GRK3: variants seen among roughly 807,000 people sequenced by gnomAD.
GRK3 encodes the protein adrenergic, beta, receptor kinase 2.
A neutral mutation model predicts 95.7 loss-of-function variants in GRK3; 54 were observed. The observed-to-expected ratio is 0.56, with a 90% confidence interval of 0.45 to 0.71. The LOEUF (loss-of-function observed/expected upper bound fraction) is 0.71, where lower values mean the gene tolerates loss of function less well. Among genes scored for constraint, GRK3 ranks in the 30% least tolerant of loss-of-function variants. The probability of loss-of-function intolerance (pLI) is 0.00; values close to 1 mark genes in which losing one functional copy is unlikely to be tolerated. For missense variants in GRK3, 649 were observed against 851.2 expected (o/e 0.76, Z 2.96); for synonymous variants, 281 against 290.8 (o/e 0.97, Z 0.34).
intron 2 of GRK3, among the ~76,000 whole-genome samples, chr22:25,624,140 C>A (rs1410021178): frequency 1.3e-5 from 2 of 152,246 alleles, no homozygotes; most frequent in East Asian, 3.9e-4. Flanking sequence ...CTTTTAATTT[C>A]AGCGTTCATT....
intron 7 of GRK3, among the ~76,000 whole-genome samples, chr22:25,672,767 G>T (rs185838218): frequency 6.6e-6 from 1 of 151,784 alleles, no homozygotes; most frequent in Non-Finnish European, 1.5e-5. Context: ...TCAGACCAAG[G>T]CTTCATCTTC....
chr22:25,602,983 C>T (rs892245918), intron 1 of GRK3, among the ~76,000 whole-genome samples: 1 of 152,216 alleles, frequency 6.6e-6, no homozygotes, highest in African/African-American at 2.4e-5. Context: ...GTAGCACAAT[C>T]TTGGGTCACT....
intron 2 of GRK3, among the ~76,000 whole-genome samples, chr22:25,611,508 C>G (rs942342319): frequency 3.9e-5 from 6 of 152,096 alleles, no homozygotes; most frequent in Non-Finnish European, 5.9e-5. Context: ...TTTTTTGTAT[C>G]CATTTGAATG....
chr22:25,588,688 G>A (rs1392791245), intron 1 of GRK3, among the ~76,000 whole-genome samples: 1 of 152,042 alleles, frequency 6.6e-6, no homozygotes, highest in Non-Finnish European at 1.5e-5. Flanking sequence ...TGATATGATT[G>A]TGTGGTCATT....
chr22:25,564,885 T>TGGGGCGCGCGGCGCGCGCGCGGGGCG lies in GRK3; in HGVS notation c.-144_-119dup, dbSNP rs990030088. Reference sequence around the variant, plus strand: ...GCCTGCGGCGCGCGCAGAGCGCTAGTGGGGCGCGCGGCGCGCGCGCGGGGC... The same window carrying TGGGGCGCGCGGCGCGCGCGCGGGGCG: ...GCCTGCGGCGCGCGCAGAGCGCTAGTGGGGCGCGCGGCGCGCGCGCGGGGCGGGGGCGCGCGGCGCGCGCGCGGGGC... On this transcript the variant is annotated 5_prime_UTR_variant, in exon 1 of 21. Transcript: ENST00000324198. 7.8e-6 allele frequency: 1 copy of TGGGGCGCGCGGCGCGCGCGCGGGGCG among 128,216 alleles called. No individual in the cohort carries two copies. The highest frequency in any genetic ancestry group is 2.8e-5 in the African/African-American group (1 of 35,742). 7.9% of individuals were successfully genotyped at this position (128,216 alleles called of 1,614,324 possible). A position where few individuals can be genotyped will look rare whatever the true frequency, so the allele number is the denominator to read the frequency against.
intron 8 of GRK3, among the ~76,000 whole-genome samples, chr22:25,674,866 G>A (rs190169922): frequency 1.3e-5 from 2 of 152,254 alleles, no homozygotes; most frequent in African/African-American, 4.8e-5. Context: ...GGAGAATGGC[G>A]TGAACCCGGG....
At chr22:25,704,013 A>G in intron 14 of GRK3, 96 bp from the exon 15 acceptor site, 4 of 858,296 alleles carry the variant, frequency 4.7e-6, no homozygotes, top group Non-Finnish European at 7.4e-6. Flanking sequence ...AATTTTTAAT[A>G]CTATGCTTAT....
In GRK3 at chr22:25,649,368, G is replaced by A. The variant is rs553667877; in HGVS notation, c.264+4703G>A. The A allele has an allele frequency of 9.3e-5, 54 of 583,452 alleles. No homozygotes were observed. The Middle Eastern group carries it at 1.4e-3, about 15-fold the overall frequency. 36.1% of individuals were successfully genotyped at this position (583,452 alleles called of 1,614,324 possible). Reference sequence around the variant, plus strand: ...AATGGTAAACTGGAGTCCCAGATATGGTTCCACAAAACCACTTTTTTTTAC... The same window carrying A: ...AATGGTAAACTGGAGTCCCAGATATAGTTCCACAAAACCACTTTTTTTTAC... On this transcript the variant is annotated intron_variant, in intron 3 of 20. Coordinates refer to ENST00000324198, the MANE Select transcript of GRK3 (RefSeq NM_005160.4).
chr22:25,624,434 G>T (rs2084611718), intron 2 of GRK3, among the ~76,000 whole-genome samples: 2 of 152,040 alleles, frequency 1.3e-5, no homozygotes, highest in Non-Finnish European at 2.9e-5. Flanking sequence ...TGTGGTGGCG[G>T]GCACCTGTAG....
chr22:25,649,292 AATTTCT>A, intron 3 of GRK3: 14 of 840,698 alleles, frequency 1.7e-5, no homozygotes, highest in Non-Finnish European at 2.8e-5. Context: ...ACCTGTATAG[AATTTCT>A]ACAGGGATCA....
Position 25,589,313 on chromosome 22 carries a change from C to T in GRK3, c.114-15064C>T, listed in dbSNP as rs189981329. Among the ~76,000 whole-genome samples, 79 of 152,310 alleles carry T rather than the reference C, an allele frequency of 5.2e-4. No homozygotes were observed. In the East Asian group the frequency reaches 6.6e-3, roughly 13 times the overall value. On this transcript the variant is annotated intron_variant, in intron 1 of 20. Transcript: ENST00000324198. ...AGTTTCTCTACCAGTAAGGTGTTGACGTACAACCTAGCCCACCTATTCTTG... is the reference window on the plus strand; with the variant it reads ...AGTTTCTCTACCAGTAAGGTGTTGATGTACAACCTAGCCCACCTATTCTTG...
chr22:25,640,520 A>G (rs887296229), intron 2 of GRK3, among the ~76,000 whole-genome samples: 2 of 152,218 alleles, frequency 1.3e-5, no homozygotes, highest in African/African-American at 4.8e-5. Context: ...AGGAAGTTTT[A>G]GCAGTTATGC....
chr22:25,674,844 G>T (rs1419200438), intron 8 of GRK3, among the ~76,000 whole-genome samples: 1 of 152,200 alleles, frequency 6.6e-6, no homozygotes, highest in African/African-American at 2.4e-5. Flanking sequence ...AGCTACTCAG[G>T]AGGCTGAGGC....
At chr22:25,697,487 T>G (rs1331904480) in intron 13 of GRK3, among the ~76,000 whole-genome samples, 1 of 152,158 alleles carries the variant, frequency 6.6e-6, no homozygotes, top group Non-Finnish European at 1.5e-5. Context: ...GAAGACATCC[T>G]GAGGATGGCC....
intron 1 of GRK3, among the ~76,000 whole-genome samples, chr22:25,577,961 T>A (rs1482206653): frequency 1.3e-5 from 2 of 152,206 alleles, no homozygotes; most frequent in Non-Finnish European, 2.9e-5. Context: ...AGTTTGAAAT[T>A]ATTTCATATA....
chr22:25,645,920 C>CAA (rs553003120), intron 3 of GRK3, among the ~76,000 whole-genome samples: 26 of 116,488 alleles, frequency 2.2e-4, no homozygotes, highest in South Asian at 2.0e-3. Context: ...GACTCCATCT[C>CAA]AAAAAAAAAA....
At chr22:25,570,314 C>T (rs549034879) in intron 1 of GRK3, among the ~76,000 whole-genome samples, 1 of 152,306 alleles carries the variant, frequency 6.6e-6, no homozygotes, top group African/African-American at 2.4e-5. Flanking sequence ...ATCTCACCCC[C>T]CAAGGCCTCA....
intron 4 of GRK3, among the ~76,000 whole-genome samples, chr22:25,663,245 G>A (rs1331951139): frequency 2.6e-5 from 4 of 151,982 alleles, no homozygotes; most frequent in East Asian, 1.9e-4. Flanking sequence ...GGCTGATCGC[G>A]AACTTCTGGG....
At chr22:25,686,017 C>T (rs537627498) in intron 10 of GRK3, among the ~76,000 whole-genome samples, 4 of 151,716 alleles carry the variant, frequency 2.6e-5, no homozygotes, top group South Asian at 2.1e-4. Flanking sequence ...GTCAGGAGAT[C>T]GAGACCATCC....
Sources: allele counts gnomAD v4.1 joint callset (sites outside exome capture counted in the v4.1 genomes callset), GRCh38; gene constraint gnomAD v4.1.1; transcripts MANE v1.5; gene names NCBI Gene and HGNC (gene_info 2026-07-23, HGNC 2026-07-21).